ANKFN1: variants seen among roughly 807,000 people sequenced by gnomAD.
ANKFN1 encodes ankyrin repeat and fibronectin type III domain containing 1, also known as ankyrin repeat and fibronectin type-III domain-containing protein 1.
ANKFN1 carries 74 observed loss-of-function variants against 108.7 expected under a neutral mutation model. The ratio of observed to expected loss-of-function variants is 0.68; its 90% confidence interval spans 0.56 to 0.83. The LOEUF (loss-of-function observed/expected upper bound fraction) is 0.83, where lower values mean the gene tolerates loss of function less well. Ranked by LOEUF, ANKFN1 falls within the 40% of genes least tolerant of loss-of-function variation. ANKFN1 has a pLI of 0.00. For synonymous variants in ANKFN1, 547 were observed against 516.2 expected, an observed-to-expected ratio of 1.06 and a Z score of -0.81; for missense variants, 1,505 against 1,382.3, an observed-to-expected ratio of 1.09 and a Z score of -1.41.
At chr17:56,364,590 A>G (rs533135028) in intron 6 of ANKFN1, among the ~76,000 whole-genome samples, 1 of 152,366 alleles carries the variant, frequency 6.6e-6, no homozygotes, top group South Asian at 2.1e-4. Context: ...TGAATTTTCT[A>G]AATAATCCAC....
chr17:56,367,388 A>G (rs2046689959), intron 6 of ANKFN1, among the ~76,000 whole-genome samples: 1 of 151,802 alleles, frequency 6.6e-6, no homozygotes, highest in African/African-American at 2.4e-5. Context: ...ATCATTGTTT[A>G]TCTCGGGATT....
chr17:56,503,758 C>T (rs544387311), intron 20 of ANKFN1, among the ~76,000 whole-genome samples: 1 of 151,908 alleles, frequency 6.6e-6, no homozygotes. Flanking sequence ...ACACTCATTA[C>T]AATGGCAAGA....
Position 56,449,105 on chromosome 17 carries a change from C to T in ANKFN1, c.1126C>T (p.Pro376Ser). 1.9e-6 allele frequency: 3 copies of T among 1,613,424 alleles called. No individual in the cohort carries two copies. The highest frequency in any genetic ancestry group is 2.5e-6 in the Non-Finnish European group (3 of 1,179,522). ...CTGGAAAGACTATGACGACAGAGAG[C>T]CCAGACACAAGGGACAGAGTGAAGT... is the stretch of plus-strand genomic sequence containing the variant. ...SNWKDYDDRE[P>S]RHKGQSEVLE... The change falls in exon 11 of 21, where the codon CCC (proline) becomes TCC (serine). Residue 376 changes from proline (P) to serine (S), a missense_variant. Pro to Ser is a moderately conservative substitution (Grantham distance 74). Coordinates refer to ENST00000682825, the MANE Select transcript of ANKFN1 (RefSeq NM_001370326.1).
intron 1 of ANKFN1, among the ~76,000 whole-genome samples, chr17:56,159,978 T>G (rs986717): frequency 1.4e-5 from 2 of 146,464 alleles, no homozygotes; most frequent in African/African-American, 2.6e-5. Context: ...GGCAGAGAGA[T>G]GGGAGGGGTG....
chr17:56,475,896 G>C (rs1410202664), intron 15 of ANKFN1, among the ~76,000 whole-genome samples: 1 of 152,102 alleles, frequency 6.6e-6, no homozygotes, highest in East Asian at 1.9e-4. Context: ...ACTTGAGACT[G>C]GATAATTTAT....
At chr17:56,094,508 T>A (rs1905484603) in intron 4 of ANKFN1, among the ~76,000 whole-genome samples, 1 of 115,074 alleles carries the variant, frequency 8.7e-6, no homozygotes. Context: ...TGAGGCGAAG[T>A]CTTGTTTTGT....
intron 8 of ANKFN1, among the ~76,000 whole-genome samples, chr17:56,386,039 C>T (rs2144845257): frequency 6.6e-6 from 1 of 152,266 alleles, no homozygotes; most frequent in Middle Eastern, 3.4e-3. Context: ...TATTGCGGCA[C>T]TATTCACAAT....
At chr17:56,326,803 A>T (rs1432038619) in intron 4 of ANKFN1, among the ~76,000 whole-genome samples, 1 of 152,196 alleles carries the variant, frequency 6.6e-6, no homozygotes, top group Non-Finnish European at 1.5e-5. Flanking sequence ...CAGATATATT[A>T]CTGTCTTTAA....
chr17:56,431,094 G>A (rs989545610), intron 8 of ANKFN1, among the ~76,000 whole-genome samples: 5 of 152,176 alleles, frequency 3.3e-5, no homozygotes, highest in African/African-American at 1.2e-4. Context: ...AACAAAACAA[G>A]TAAGCATGAT....
At position 56,516,281 on chromosome 17, in the gene ANKFN1, T is replaced by TGTGTGC. The variant is rs1555568559; in HGVS notation, c.*5013_*5014insTGTGCG. ...AAGTGTGTGTGTGTGTGTGTGTGTG[T>TGTGTGC]GCGTGTGTGGTGGTGTCAGAGAGAT... is the stretch of plus-strand genomic sequence containing the variant. On this transcript the variant is annotated 3_prime_UTR_variant, in exon 21 of 21. Coordinates refer to ENST00000682825, the MANE Select transcript of ANKFN1 (RefSeq NM_001370326.1). Among the ~76,000 whole-genome samples, 3 of 151,026 alleles carry TGTGTGC rather than the reference T, an allele frequency of 2.0e-5. No individual in the cohort carries two copies. The highest frequency in any genetic ancestry group is 7.3e-5 in the African/African-American group (3 of 41,038).
rs376050746 is a variant in ANKFN1 at position 56,258,046 on chromosome 17, T to C, written c.53+30089T>C. The C allele has an allele frequency of 1.4e-4, 22 of 152,328 alleles. No homozygotes were observed. In the East Asian group the frequency reaches 4.2e-3, roughly 29 times the overall value. 9.4% of individuals were successfully genotyped at this position (152,328 alleles called of 1,614,324 possible). On this transcript the variant is annotated intron_variant, in intron 3 of 20. Coordinates refer to ENST00000682825, the MANE Select transcript of ANKFN1 (RefSeq NM_001370326.1). ...GATGACGTGGCTGCTAACAGGCTCT[T>C]CTCTTGGAGGTTTTCAATTTCAGCC...
chr17:56,232,975 A>C (rs555802738), intron 3 of ANKFN1, among the ~76,000 whole-genome samples: 24 of 152,232 alleles, frequency 1.6e-4, no homozygotes, highest in African/African-American at 5.1e-4. Flanking sequence ...TTTACTGGTT[A>C]TGTGCTTTAG....
At chr17:56,389,906 C>T (rs2047379552) in intron 8 of ANKFN1, among the ~76,000 whole-genome samples, 1 of 152,186 alleles carries the variant, frequency 6.6e-6, no homozygotes, top group Non-Finnish European at 1.5e-5. Flanking sequence ...TCCCCCACCA[C>T]AGGACCTTTG....
intron 4 of ANKFN1, among the ~76,000 whole-genome samples, chr17:56,085,860 C>A (rs1279068874): frequency 6.6e-6 from 1 of 151,300 alleles, no homozygotes; most frequent in East Asian, 1.9e-4. Context: ...AGCTTGTAAG[C>A]AGGCTGTGAT....
intron 1 of ANKFN1, among the ~76,000 whole-genome samples, chr17:56,186,352 C>A (rs1912205665): frequency 1.0e-5 from 1 of 96,188 alleles, no homozygotes; most frequent in Non-Finnish European, 2.2e-5. Flanking sequence ...ACTTATAAAG[C>A]CCTTTCACTT....
chr17:56,270,148 G>A (rs1036869539), intron 3 of ANKFN1, among the ~76,000 whole-genome samples: 4 of 152,074 alleles, frequency 2.6e-5, no homozygotes, highest in African/African-American at 7.2e-5. Context: ...AACAAAGCAG[G>A]GCACTTAAAG....
chr17:56,436,616 G>T (rs1170445510), intron 8 of ANKFN1, among the ~76,000 whole-genome samples: 2 of 152,056 alleles, frequency 1.3e-5, no homozygotes, highest in South Asian at 2.1e-4. Context: ...CTGAGATCAG[G>T]AGTTCAAGTT....
At chr17:56,453,786 G>A (rs1412255439) in intron 11 of ANKFN1, among the ~76,000 whole-genome samples, 1 of 149,458 alleles carries the variant, frequency 6.7e-6, no homozygotes, top group Non-Finnish European at 1.5e-5. Flanking sequence ...AGAATTCTTG[G>A]TTGAAATCCT....
intron 20 of ANKFN1, 85 bp from the exon 21 acceptor site, chr17:56,510,387 CG>C (rs1393703647): frequency 3.5e-5 from 39 of 1,116,518 alleles, no homozygotes; most frequent in Non-Finnish European, 4.4e-5. Context: ...CTTCTAAGTG[CG>C]GGGTCAAATG....
Sources: gnomAD v4.1 joint callset for allele counts (sites outside exome capture counted in the v4.1 genomes callset) on GRCh38, gnomAD v4.1.1 for gene constraint, MANE v1.5 for transcripts, NCBI Gene and HGNC (gene_info 2026-07-23, HGNC 2026-07-21) for gene names.